DTHD1: variants seen among roughly 807,000 people sequenced by gnomAD.
The protein encoded by DTHD1 is death domain containing 1, also known as death domain-containing protein 1.
Under a neutral mutation model 74.8 loss-of-function variants are expected in DTHD1, and 59 were observed. That is an observed-to-expected ratio of 0.79 (90% confidence interval 0.64 to 0.98). DTHD1 has a LOEUF of 0.98. DTHD1 is among the 50% of genes least tolerant of loss of function. DTHD1 has a pLI of 0.00. For missense variants in DTHD1, 1,051 were observed against 1,065.4 expected, an observed-to-expected ratio of 0.99 and a Z score of 0.19; for synonymous variants, 365 against 371.1, an observed-to-expected ratio of 0.98 and a Z score of 0.19.
intron 5 of DTHD1, among the ~76,000 whole-genome samples, chr4:36,298,765 G>C (rs949554388): frequency 2.6e-5 from 4 of 152,188 alleles, no homozygotes; most frequent in Non-Finnish European, 5.9e-5. Context: ...TAGCAGTAAA[G>C]AGGAACAATA....
At chr4:36,288,404 G>A (rs1755847538) in intron 2 of DTHD1, among the ~76,000 whole-genome samples, 1 of 152,140 alleles carries the variant, frequency 6.6e-6, no homozygotes, top group African/African-American at 2.4e-5. Context: ...GGTCTCTGAT[G>A]TTATCTTCTA....
Position 36,343,665 on chromosome 4 carries a change from C to T in DTHD1, c.2562C>T (p.Phe854=). 6.4e-7 allele frequency: 1 copy of T among 1,551,836 alleles called. No homozygotes were observed. Among genetic ancestry groups the T allele is most frequent in the Non-Finnish European group, 8.7e-7 (1 of 1,146,968 alleles). The part of the protein sequence containing the change: ...LTEQIHEFLC[F]WKKSLPTFTD... The stretch of plus-strand genomic sequence containing the variant: ...AACAGATCCACGAGTTTCTTTGCTT[C>T]TGGAAAAAATCGCTTCCAACTTTCA... Residue 854 remains phenylalanine, a synonymous_variant, in exon 10 of 10, where the codon TTC becomes TTT. Transcript: ENST00000639862.
At position 36,345,243 on chromosome 4, in the gene DTHD1, A is replaced by T. The variant is rs1447500351; in HGVS notation, c.*1419A>T. The T allele has an allele frequency of 1.3e-5, 2 of 152,178 alleles. No homozygotes were observed. Among genetic ancestry groups the T allele is most frequent in the Non-Finnish European group, 2.9e-5 (2 of 68,024 alleles). The allele number at this position is 152,178 out of a possible 1,614,324, so 9.4% of individuals were successfully genotyped here. ...AAAATGAAAGAAAAAATTAAAACTT[A>T]TCTAAACCCCTCTTTCTATTGATAA... On this transcript the variant is annotated 3_prime_UTR_variant, in exon 10 of 10. Transcript: ENST00000639862.
chr4:36,299,917 C>G (rs934318524), intron 5 of DTHD1, among the ~76,000 whole-genome samples: 1 of 152,078 alleles, frequency 6.6e-6, no homozygotes, highest in African/African-American at 2.4e-5. Flanking sequence ...CTGCAGTGAG[C>G]TGAGATCATG....
chr4:36,322,298 A>C (rs768461900), intron 8 of DTHD1, among the ~76,000 whole-genome samples: 2 of 152,212 alleles, frequency 1.3e-5, no homozygotes, highest in African/African-American at 4.8e-5. Flanking sequence ...TAGATGCTCA[A>C]TAAACATGAG....
intron 3 of DTHD1, among the ~76,000 whole-genome samples, chr4:36,291,515 G>C (rs888839853): frequency 1.3e-5 from 2 of 152,214 alleles, no homozygotes; most frequent in African/African-American, 2.4e-5. Context: ...GCTGTGAAGA[G>C]AGAATATAAC....
At position 36,334,358 on chromosome 4, in the gene DTHD1, G is replaced by T. The variant is rs1329097999; in HGVS notation, c.2341-4754G>T. On this transcript the variant is annotated intron_variant, in intron 8 of 9. Transcript: ENST00000639862. ...CCACTGCCTACTTTTATTTTTTTTGGTTTTTTTTTTTTTTTTTTCTTTCAG... is the reference window on the plus strand; with the variant it reads ...CCACTGCCTACTTTTATTTTTTTTGTTTTTTTTTTTTTTTTTTTCTTTCAG... Among the ~76,000 whole-genome samples, 45 of 138,924 alleles carry T rather than the reference G, an allele frequency of 3.2e-4. 1 individual carries two copies. The highest frequency in any genetic ancestry group is 1.0e-3 in the African/African-American group (40 of 38,184). 91.1% of individuals were successfully genotyped at this position (138,924 alleles called of 152,430 possible).
In DTHD1 at chr4:36,343,543, C is replaced by T. The variant is rs1405829681; in HGVS notation, c.2440C>T (p.Leu814Phe). Residue 814 changes from leucine (L) to phenylalanine (F), a missense_variant, in exon 10 of 10, where the codon CTC (leucine) becomes TTC (phenylalanine). Physicochemically the swap from Leu to Phe is conservative, Grantham distance 22. Transcript: ENST00000639862. ...CTTGCTCCATTGGCTGGCTGAGGAGCTCTCAGAAGAAAATGCTGAGTCTCT... is the reference window on the plus strand; with the variant it reads ...CTTGCTCCATTGGCTGGCTGAGGAGTTCTCAGAAGAAAATGCTGAGTCTCT... ...DNLLHWLAEE[L>F]SEENAESLSS... is the part of the protein sequence containing the mutation. 3 of 1,551,430 alleles carry T rather than the reference C, an allele frequency of 1.9e-6. No individual in the cohort carries two copies. The highest frequency in any genetic ancestry group is 1.4e-5 in the African/African-American group (1 of 73,040).
chr4:36,319,820 C>T (rs1351588929), intron 8 of DTHD1, among the ~76,000 whole-genome samples: 2 of 152,208 alleles, frequency 1.3e-5, no homozygotes, highest in African/African-American at 2.4e-5. Context: ...TCTGTGTTTA[C>T]GATTGTCCAG....
Position 36,290,570 on chromosome 4 carries a change from T to A in DTHD1, c.1085T>A (p.Ile362Lys). 3 of 1,551,582 alleles carry A rather than the reference T, an allele frequency of 1.9e-6. No individual in the cohort carries two copies. Among genetic ancestry groups the A allele is most frequent in the Non-Finnish European group, 2.6e-6 (3 of 1,146,992 alleles). ...AAGGAAAAGAGAGTTCCATTTCCAA[T>A]AGGCATTGCAATTCCATTTACTGCA... The part of the protein sequence containing the change: ...SDKEKRVPFP[I>K]GIAIPFTARY... The change falls in exon 3 of 10, where the codon ATA (isoleucine) becomes AAA (lysine). Residue 362 changes from isoleucine (I) to lysine (K), a missense_variant. By Grantham distance (102) the Ile-to-Lys change is moderately radical (BLOSUM62 -3). Coordinates refer to ENST00000639862, the MANE Select transcript of DTHD1 (RefSeq NM_001170700.3).
chr4:36,333,513 G>A (rs377550440), intron 8 of DTHD1: 1 of 152,030 alleles, frequency 6.6e-6, no homozygotes, highest in East Asian at 1.9e-4. Flanking sequence ...GAGAGCTTAG[G>A]GTGGCCACTA....
At chr4:36,293,202 G>T (rs1756184506) in intron 3 of DTHD1, among the ~76,000 whole-genome samples, 1 of 152,134 alleles carries the variant, frequency 6.6e-6, no homozygotes, top group East Asian at 1.9e-4. Flanking sequence ...GCTAATGGAG[G>T]CTAGAATTCT....
intron 3 of DTHD1, among the ~76,000 whole-genome samples, chr4:36,291,148 T>C (rs1193568320): frequency 6.6e-6 from 1 of 152,180 alleles, no homozygotes; most frequent in African/African-American, 2.4e-5. Flanking sequence ...GTGTATGCCT[T>C]GAGATTGTTA....
chr4:36,318,637 C>T (rs1445119996), intron 8 of DTHD1, among the ~76,000 whole-genome samples: 7 of 103,868 alleles, frequency 6.7e-5, no homozygotes, highest in South Asian at 6.1e-4. Flanking sequence ...TTTTTTGAGA[C>T]GGAGTCTCGC....
At chr4:36,287,590 T>A (rs1755784405) in intron 2 of DTHD1, among the ~76,000 whole-genome samples, 1 of 152,234 alleles carries the variant, frequency 6.6e-6, no homozygotes. Flanking sequence ...TTTACTAGTT[T>A]ACATTCCCAC....
chr4:36,312,807 A>C (rs1002457192), intron 7 of DTHD1, among the ~76,000 whole-genome samples: 1 of 152,240 alleles, frequency 6.6e-6, no homozygotes, highest in Non-Finnish European at 1.5e-5. Flanking sequence ...GCCATTGGAA[A>C]GACTGCCTTT....
At chr4:36,305,158 C>G (rs1369346258) in intron 5 of DTHD1, among the ~76,000 whole-genome samples, 1 of 152,180 alleles carries the variant, frequency 6.6e-6, no homozygotes, top group Non-Finnish European at 1.5e-5. Context: ...AATATTAATA[C>G]TATTTATGCT....
intron 5 of DTHD1, among the ~76,000 whole-genome samples, chr4:36,302,550 TATGGCAATATTTATGACATA>T (rs1184666600): frequency 2.0e-5 from 3 of 152,212 alleles, no homozygotes; most frequent in African/African-American, 7.2e-5. Context: ...TTGACATAAA[TATGGCAATATTTATGACATA>T]ATATTAATGT....
At chr4:36,314,344 T>C (rs1757571994) in intron 7 of DTHD1, among the ~76,000 whole-genome samples, 1 of 151,982 alleles carries the variant, frequency 6.6e-6, no homozygotes, top group African/African-American at 2.4e-5. Context: ...CATGCTGGCT[T>C]ACAATAACCG....
Sources: allele counts gnomAD v4.1 joint callset (sites outside exome capture counted in the v4.1 genomes callset), GRCh38; gene constraint gnomAD v4.1.1; transcripts MANE v1.5; gene names NCBI Gene and HGNC (gene_info 2026-07-23, HGNC 2026-07-21).